Variants in MAPK10 observed in about 807,000 individuals in gnomAD.
MAPK10 encodes JNK3 alpha protein kinase.
A neutral mutation model predicts 59.3 loss-of-function variants in MAPK10; 25 were observed. The ratio of observed to expected loss-of-function variants is 0.42; its 90% CI spans 0.31 to 0.59. MAPK10 has a LOEUF of 0.59. Ranked by LOEUF, MAPK10 falls within the 20% of genes least tolerant of loss-of-function variation. The probability of loss-of-function intolerance (pLI) is 0.15; values close to 1 mark genes in which losing one functional copy is unlikely to be tolerated. For synonymous variants in MAPK10, 190 were observed against 200.5 expected (o/e 0.95, Z 0.44); for missense variants, 351 against 568.9 (o/e 0.62, Z 3.90).
upstream of MAPK10, among the ~76,000 whole-genome samples, chr4:86,363,427 C>A (rs566426954): frequency 1.3e-5 from 2 of 152,250 alleles, no homozygotes; most frequent in East Asian, 3.9e-4. Flanking sequence ...AAAAGAATGG[C>A]AACCAGAAAC....
chr4:86,220,438 T>C (rs931303211), intron 2 of MAPK10, among the ~76,000 whole-genome samples: 1 of 152,178 alleles, frequency 6.6e-6, no homozygotes, highest in Non-Finnish European at 1.5e-5. Context: ...ATAAGACTAG[T>C]GTAGGAATAA....
chr4:86,159,167 C>G, intron 4 of MAPK10, 131 bp downstream of exon 4: 1 of 591,934 alleles, frequency 1.7e-6, no homozygotes, highest in Non-Finnish European at 2.7e-6. Context: ...ATTTTTTTTT[C>G]TTCAGTAGGA....
At chr4:86,374,215 C>T (rs1314411853) in intron 1 of MAPK10, among the ~76,000 whole-genome samples, 1 of 151,952 alleles carries the variant, frequency 6.6e-6, no homozygotes. Context: ...AATGAGAATA[C>T]ATGGACACAG....
chr4:86,298,942 A>AT (rs1364278261), intron 2 of MAPK10, among the ~76,000 whole-genome samples: 2 of 152,090 alleles, frequency 1.3e-5, no homozygotes, highest in Non-Finnish European at 2.9e-5. Flanking sequence ...TGCTTCTTTT[A>AT]TTTTCCCCTT....
intron 1 of MAPK10, among the ~76,000 whole-genome samples, chr4:86,545,778 T>C (rs1474285406): frequency 2.0e-5 from 3 of 152,228 alleles, no homozygotes; most frequent in Admixed American, 2.0e-4. Flanking sequence ...GGACATTTTG[T>C]CTTAGTGCCT....
At chr4:86,067,511 T>G (rs565496004) in intron 10 of MAPK10, among the ~76,000 whole-genome samples, 1 of 152,302 alleles carries the variant, frequency 6.6e-6, no homozygotes, top group African/African-American at 2.4e-5. Flanking sequence ...TTTGAAGAAA[T>G]ATTTCTTTAA....
chr4:86,345,373 C>T (rs184293941), intron 2 of MAPK10, among the ~76,000 whole-genome samples: 266 of 152,294 alleles, frequency 1.7e-3, no homozygotes, highest in Non-Finnish European at 3.1e-3. Context: ...ACAATTCTCT[C>T]ATATACAGTT....
At chr4:86,080,406 CA>C (rs1210119318) in intron 9 of MAPK10, 5 of 150,924 alleles carry the variant, frequency 3.3e-5, no homozygotes, top group Admixed American at 2.6e-4. Context: ...ATACTGTAAA[CA>C]AAAAGCAAGT....
intron 2 of MAPK10, among the ~76,000 whole-genome samples, chr4:86,277,821 C>G (rs1449548213): frequency 6.6e-6 from 1 of 152,098 alleles, no homozygotes; most frequent in Non-Finnish European, 1.5e-5. Context: ...ATTTTGTTAA[C>G]AAACGGTTTA....
intron 4 of MAPK10, among the ~76,000 whole-genome samples, chr4:86,115,537 C>T (rs974253546): frequency 2.6e-5 from 4 of 152,144 alleles, no homozygotes; most frequent in South Asian, 2.1e-4. Context: ...TCTTGGCTCA[C>T]CGCAACCTCC....
chr4:86,145,751 TCTC>T (rs2064830615), intron 4 of MAPK10, among the ~76,000 whole-genome samples: 1 of 152,128 alleles, frequency 6.6e-6, no homozygotes. Context: ...TCTGTCTCAT[TCTC>T]CTCTTTTACT....
intron 3 of MAPK10, chr4:86,193,280 G>C (rs2080388126): frequency 6.6e-6 from 1 of 152,392 alleles, no homozygotes; most frequent in African/African-American, 2.4e-5. Flanking sequence ...CTTGATTGCT[G>C]TGCTGGGAGA....
chr4:86,399,148 A>C (rs1743357630), intron 1 of MAPK10, among the ~76,000 whole-genome samples: 1 of 152,174 alleles, frequency 6.6e-6, no homozygotes, highest in African/African-American at 2.4e-5. Flanking sequence ...GTTAAATAGT[A>C]GTTCTGTTTT....
At chr4:86,216,177 T>C (rs1387732995) in intron 2 of MAPK10, among the ~76,000 whole-genome samples, 3 of 151,634 alleles carry the variant, frequency 2.0e-5, no homozygotes, top group Middle Eastern at 3.4e-3. Context: ...CCTGTCTTCA[T>C]AGCAGTATTA....
intron 1 of MAPK10, among the ~76,000 whole-genome samples, chr4:86,531,483 G>T (rs1267113748): frequency 6.6e-6 from 1 of 152,142 alleles, no homozygotes; most frequent in Non-Finnish European, 1.5e-5. Flanking sequence ...GAAGAATAAA[G>T]AATCTCTTCC....
chr4:86,515,730 G>A (rs1438499902), intron 1 of MAPK10, among the ~76,000 whole-genome samples: 1 of 151,818 alleles, frequency 6.6e-6, no homozygotes, highest in East Asian at 1.9e-4. Flanking sequence ...GTAGATTCTG[G>A]GTATTAGTCC....
At chr4:86,149,757 T>C (rs1239009233) in intron 4 of MAPK10, among the ~76,000 whole-genome samples, 1 of 152,194 alleles carries the variant, frequency 6.6e-6, no homozygotes, top group Admixed American at 6.5e-5. Context: ...ATTCTGTGCA[T>C]ACATAGTTAT....
intron 1 of MAPK10, among the ~76,000 whole-genome samples, chr4:86,420,826 A>G (rs1319963047): frequency 2.6e-5 from 4 of 152,168 alleles, no homozygotes; most frequent in Non-Finnish European, 5.9e-5. Flanking sequence ...TCACGCCTGT[A>G]ATCCCAGCAC....
intron 1 of MAPK10, among the ~76,000 whole-genome samples, chr4:86,480,044 C>A (rs1263198947): frequency 6.6e-6 from 1 of 152,092 alleles, no homozygotes; most frequent in Admixed American, 6.6e-5. Flanking sequence ...ATTTTTCTTA[C>A]TAATATAAGA....
Sources: gnomAD v4.1 joint callset for allele counts (sites outside exome capture counted in the v4.1 genomes callset) on GRCh38, gnomAD v4.1.1 for gene constraint, MANE v1.5 for transcripts, NCBI Gene and HGNC (gene_info 2026-07-23, HGNC 2026-07-21) for gene names.